The following THBS3 variants were observed in gnomAD, a reference collection of about 807,000 sequenced individuals.
THBS3 encodes the protein thrombospondin-3.
THBS3 carries 78 observed loss-of-function variants against 118.3 expected under a neutral mutation model. The ratio of observed to expected loss-of-function variants is 0.66; its 90% confidence interval spans 0.55 to 0.80. THBS3 has a LOEUF of 0.80. Ranked by LOEUF, THBS3 falls within the 30% of genes least tolerant of loss-of-function variation. The pLI, the probability that THBS3 is intolerant of heterozygous loss-of-function variation, is 0.00. For missense variants in THBS3, 1,057 were observed against 1,247.4 expected, an observed-to-expected ratio of 0.85 and a Z score of 2.30; for synonymous variants, 427 against 475.3, an observed-to-expected ratio of 0.90 and a Z score of 1.32.
chr1:155,208,954 A>C, upstream of THBS3: 1 of 1,609,236 alleles, frequency 6.2e-7, no homozygotes, highest in East Asian at 2.2e-5. Context: ...CCGCGCCTTC[A>C]GGGGTTCGGG....
At position 155,195,988 on chromosome 1, in the gene THBS3, A is replaced by G; in HGVS notation, c.2811T>C (p.Asn937=). 2 of 1,614,164 alleles carry G rather than the reference A, an allele frequency of 1.2e-6. No individual in the cohort carries two copies. The highest frequency in any genetic ancestry group is 1.7e-6 in the Non-Finnish European group (2 of 1,180,028). The stretch of plus-strand genomic sequence containing the variant: ...GTTGATCTCAATCAGCCACCTCACC[A>G]TTGCATCGATACTGGAGATTGGACC... ...IIWSNLQYRC[N]DTVPEDFEPF... is the part of the protein sequence containing the mutation. Residue 937 remains asparagine, a splice_region_variant and synonymous_variant, in exon 22 of 23, where the codon AAT becomes AAC. Transcript: ENST00000368378.
Position 155,196,236 on chromosome 1 carries a change from GC to G in THBS3, c.2673-111del, listed in dbSNP as rs1259329792. On this transcript the variant is annotated intron_variant, in intron 21 of 22. Transcript: ENST00000368378. ...CCCCAGCCCCCCTTGAGCTCACCAG[GC>G]CTGAGAGAGAAGGGAGGGAGGGAAA... 5 of 1,303,142 alleles carry G rather than the reference GC, an allele frequency of 3.8e-6. No homozygotes were observed. The African/African-American group carries it at 7.4e-5, about 19-fold the overall frequency. 80.7% of individuals were successfully genotyped at this position (1,303,142 alleles called of 1,614,324 possible).
rs749429245 is a variant in THBS3 at position 155,196,126 on chromosome 1, C to T, written c.2673G>A (p.Arg891=). The part of the protein sequence containing the change: ...LLHRPQVGYI[R]VKLYEGPQLV... The stretch of plus-strand genomic sequence containing the variant: ...GCTGGGGTCCCTCATAGAGCTTCAC[C>T]CTGTCCAGGATTCCAGGATAGGAGT... The change falls in exon 22 of 23, where the codon CGG becomes CGA. Residue 891 remains arginine, a splice_region_variant and synonymous_variant. Transcript: ENST00000368378. The T allele has an allele frequency of 1.2e-6, 2 of 1,614,026 alleles. No individual in the cohort carries two copies. The highest frequency in any genetic ancestry group is 1.7e-5 in the Admixed American group (1 of 60,024).
Position 155,198,055 on chromosome 1 carries a change from A to G in THBS3, c.2240T>C (p.Val747Ala), listed in dbSNP as rs1668986906. ...GCCCCGAGTTACCTGGTTGAGCACA[A>G]CCCAGTTTGGGTCAATCTGAGCATC... ...EGDAQIDPNW[V>A]VLNQGMEIVQ... The change falls in exon 18 of 23, where the codon GTT (valine) becomes GCT (alanine). Residue 747 changes from valine to alanine, a missense_variant. Physicochemically the swap from Val to Ala is moderately conservative, Grantham distance 64 (BLOSUM62 0). Coordinates refer to ENST00000368378, the MANE Select transcript of THBS3 (RefSeq NM_007112.5). 8 of 1,614,084 alleles carry G rather than the reference A, an allele frequency of 5.0e-6. No homozygotes were observed. The Admixed American group carries it at 1.0e-4, about 20-fold the overall frequency.
rs994618693 is a variant in THBS3 at position 155,198,338 on chromosome 1, C to T, written c.2074+71G>A. 7 of 1,589,014 alleles carry T rather than the reference C, an allele frequency of 4.4e-6. No homozygotes were observed. The Admixed American group carries it at 6.8e-5, about 15-fold the overall frequency. On this transcript the variant is annotated intron_variant, in intron 17 of 22. Coordinates refer to ENST00000368378, the MANE Select transcript of THBS3 (RefSeq NM_007112.5). ...CCCCACCTTGCCCTTCCTCACTTCC[C>T]AACAGGGCTTGCTGCCTCCACCTGG...
upstream of THBS3, chr1:155,208,940 C>T (rs1356870291): frequency 6.2e-7 from 1 of 1,610,122 alleles, no homozygotes; most frequent in Non-Finnish European, 8.5e-7. Context: ...CTCTCCAGAG[C>T]CTGCCGCGCC....
Position 155,200,035 on chromosome 1 carries a change from T to C in THBS3, c.1787A>G (p.Asp596Gly). Residue 596 changes from aspartate to glycine, a missense_variant, in exon 15 of 23, where the codon GAT (aspartate) becomes GGT (glycine). Coordinates refer to ENST00000368378, the MANE Select transcript of THBS3 (RefSeq NM_007112.5). ...CATTTCAGGGCAGCTGTCGCAAGCA[T>C]CTCCCACCCCGTCCTCATCCCTGTC... ...QTDRDEDGVG[D>G]ACDSCPEMSN... The C allele has an allele frequency of 6.2e-7, 1 of 1,603,182 alleles. No individual in the cohort carries two copies.
At chr1:155,198,007 T>C (rs1177419187) in intron 18 of THBS3, 35 bp downstream of exon 18, 14 of 1,614,098 alleles carry the variant, frequency 8.7e-6, no homozygotes, top group Non-Finnish European at 1.2e-5. Flanking sequence ...TAGCCCTGTC[T>C]GATAGCACCT....
In THBS3 at chr1:155,206,023, C is replaced by T. The variant is rs1380555689; in HGVS notation, c.286+177G>A. ...CTCACCCTATTGTTTGGTACATGGG[C>T]TCCTAAAGCACCTTATAAGCACCCC... On this transcript the variant is annotated intron_variant, in intron 2 of 22. Coordinates refer to ENST00000368378, the MANE Select transcript of THBS3 (RefSeq NM_007112.5). The surrounding 1 kb of genome is among the most constrained non-coding windows in gnomAD (Gnocchi z 4.2). 6.6e-6 allele frequency among the ~76,000 whole-genome samples: 1 copy of T among 152,190 alleles called. No individual in the cohort carries two copies. The highest frequency in any genetic ancestry group is 2.4e-5 in the African/African-American group (1 of 41,444).
Position 155,197,011 on chromosome 1 carries a change from C to T in THBS3, c.2672+30G>A, listed in dbSNP as rs1423770569. On this transcript the variant is annotated intron_variant, in intron 21 of 22. Transcript: ENST00000368378. The surrounding 1 kb of genome is among the most constrained non-coding windows in gnomAD (Gnocchi z 5.0). ...GAGGAAGGACAGGCCCGGCCTGAGT[C>T]CCACAGGTGGGCTCAGCCCCTCTCC... 6.2e-7 allele frequency: 1 copy of T among 1,602,888 alleles called. No individual in the cohort carries two copies. Among genetic ancestry groups the T allele is most frequent in the South Asian group, 1.1e-5 (1 of 90,526 alleles).
intron 10 of THBS3, 102 bp downstream of exon 10, chr1:155,201,855 G>C: frequency 6.5e-7 from 1 of 1,530,054 alleles, no homozygotes; most frequent in Non-Finnish European, 9.0e-7. Flanking sequence ...TAGTGCCCTG[G>C]GGAGGAGGAA....
chr1:155,207,446 C>T (rs946948675), intron 1 of THBS3, among the ~76,000 whole-genome samples: 2 of 151,862 alleles, frequency 1.3e-5, no homozygotes, highest in East Asian at 3.9e-4. Flanking sequence ...CCCAGGGGGA[C>T]GAAGCCCAGG....
Position 155,198,061 on chromosome 1 carries a change from T to G in THBS3, c.2234A>C (p.Asn745Thr), listed in dbSNP as rs1440410478. ...AGTTACCTGGTTGAGCACAACCCAGTTTGGGTCAATCTGAGCATCACCCTC... is the reference window on the plus strand; with the variant it reads ...AGTTACCTGGTTGAGCACAACCCAGGTTGGGTCAATCTGAGCATCACCCTC... ...DPEGDAQIDP[N>T]WVVLNQGMEI... The change falls in exon 18 of 23, where the codon AAC becomes ACC. Residue 745 changes from asparagine (N) to threonine (T), a missense_variant. By Grantham distance (65) the Asn-to-Thr change is moderately conservative. This residue lies in a region of THBS3 where 307 missense variants were observed against 326.1 expected (regional missense o/e 0.94). Coordinates refer to ENST00000368378, the MANE Select transcript of THBS3 (RefSeq NM_007112.5). 4 of 1,614,178 alleles carry G rather than the reference T, an allele frequency of 2.5e-6. No individual in the cohort carries two copies. Among genetic ancestry groups the G allele is most frequent in the Non-Finnish European group, 3.4e-6 (4 of 1,180,028 alleles).
chr1:155,203,496 C>T lies in THBS3; in HGVS notation c.673+17G>A. On this transcript the variant is annotated intron_variant, in intron 5 of 22. Coordinates refer to ENST00000368378, the MANE Select transcript of THBS3 (RefSeq NM_007112.5). ...TCCTCCCCGCTCCCCGCTTCCGCTTCAGTGTGGCCTACTCACCTAGAATGG... is the reference window on the plus strand; with the variant it reads ...TCCTCCCCGCTCCCCGCTTCCGCTTTAGTGTGGCCTACTCACCTAGAATGG... The T allele has an allele frequency of 6.2e-7, 1 of 1,613,356 alleles. No homozygotes were observed. Among genetic ancestry groups the T allele is most frequent in the East Asian group, 2.2e-5 (1 of 44,900 alleles).
chr1:155,202,522 C>G lies in THBS3; in HGVS notation c.958-121G>C. ...TGTGCAGCTCTCCCCACACAACTGC[C>G]TTGTGCTCCTGGTCCCCACCCCACT... On this transcript the variant is annotated intron_variant, in intron 8 of 22. Coordinates refer to ENST00000368378, the MANE Select transcript of THBS3 (RefSeq NM_007112.5). The surrounding 1 kb of genome is among the most constrained non-coding windows in gnomAD (Gnocchi z 5.5). The G allele has an allele frequency of 1.4e-6, 2 of 1,394,664 alleles. No individual in the cohort carries two copies. Among genetic ancestry groups the G allele is most frequent in the Non-Finnish European group, 1.9e-6 (2 of 1,039,550 alleles). 86.4% of individuals were successfully genotyped at this position (1,394,664 alleles called of 1,614,324 possible).
Position 155,197,213 on chromosome 1 carries a change from C to G in THBS3, c.2500G>C (p.Ala834Pro). ...CCTGGGCCAGACACTGATGTCACTG[C>G]CTAGGAGACATTGGCAAAGACAGTG... ...AVAQPGLQLK[A>P]VTSVSGPGEH... The change falls in exon 21 of 23, where the codon GCA becomes CCA. Residue 834 changes from alanine (A) to proline (P), a missense_variant and splice_region_variant. Transcript: ENST00000368378. This position sits in a 1 kb window ranked among gnomAD's most constrained non-coding sequence, Gnocchi z 5.0. 1 of 1,612,360 alleles carries G rather than the reference C, an allele frequency of 6.2e-7. No individual in the cohort carries two copies. Among genetic ancestry groups the G allele is most frequent in the Non-Finnish European group, 8.5e-7 (1 of 1,178,592 alleles).
Position 155,197,634 on chromosome 1 carries a change from G to A in THBS3, c.2328C>T (p.Asp776=), listed in dbSNP as rs551128198. The A allele has an allele frequency of 6.3e-7, 1 of 1,593,754 alleles. No individual in the cohort carries two copies. Among genetic ancestry groups the A allele is most frequent in the Admixed American group, 1.7e-5 (1 of 59,526 alleles). The stretch of plus-strand genomic sequence containing the variant: ...TGTTCACATGGAAGGTGCCTTCAAA[G>A]TCCACACCATTGAAGGCCGTGTATC... ...AVGYTAFNGV[D]FEGTFHVNTV... is the part of the protein sequence containing the mutation. Residue 776 remains aspartate, a synonymous_variant, in exon 20 of 23, where the codon GAC becomes GAT. Transcript: ENST00000368378. The surrounding 1 kb of genome is among the most constrained non-coding windows in gnomAD (Gnocchi z 5.0).
intron 21 of THBS3, chr1:155,196,415 G>A (rs557808059): frequency 4.4e-6 from 2 of 454,778 alleles, no homozygotes; most frequent in Non-Finnish European, 7.9e-6. Context: ...GGGGGGTGAA[G>A]TCACCCGCTT....
In THBS3 at chr1:155,195,914, ATAAG is replaced by A. The variant is rs758965732; in HGVS notation, c.2813-19_2813-16del. On this transcript the variant is annotated splice_polypyrimidine_tract_variant and intron_variant, in intron 22 of 22. Transcript: ENST00000368378. Reference sequence around the variant, plus strand: ...AGGCACTGTGTCTGAAGAAGGGGAAATAAGTAAGGTCAGAGGATGTGGCTCTCCC... The same window carrying A: ...AGGCACTGTGTCTGAAGAAGGGGAAATAAGGTCAGAGGATGTGGCTCTCCC... 1.9e-6 allele frequency: 3 copies of A among 1,614,086 alleles called. No homozygotes were observed. Among genetic ancestry groups the A allele is most frequent in the African/African-American group, 1.3e-5 (1 of 74,948 alleles).
Sources: allele counts gnomAD v4.1 joint callset (sites outside exome capture counted in the v4.1 genomes callset), GRCh38; gene constraint gnomAD v4.1.1; regional missense constraint gnomAD v4.1.1; non-coding constraint Gnocchi (gnomAD v3.1); transcripts MANE v1.5; gene names NCBI Gene and HGNC (gene_info 2026-07-23, HGNC 2026-07-21).